The following KSR1 variants were observed in gnomAD, a reference collection of about 807,000 sequenced individuals.
KSR1 encodes the protein kinase suppressor of ras.
Under a neutral mutation model 92.9 loss-of-function variants are expected in KSR1, and 35 were observed. That is an observed-to-expected ratio of 0.38 (90% CI 0.29 to 0.50). KSR1 has a LOEUF of 0.50. Among genes scored for constraint, KSR1 ranks in the 20% least tolerant of loss-of-function variants. KSR1 has a pLI of 0.94. For synonymous variants in KSR1, 467 were observed against 472.6 expected (o/e 0.99, Z 0.15); for missense variants, 972 against 1,158.5 (o/e 0.84, Z 2.34).
intron 11 of KSR1, 62 bp from the exon 12 acceptor site, chr17:27,603,772 G>T: frequency 1.3e-6 from 2 of 1,554,088 alleles, no homozygotes; most frequent in Non-Finnish European, 1.8e-6. Flanking sequence ...TTTCAAGCAC[G>T]GTGTCTCTTT....
rs893040453 is a variant in KSR1 at position 27,624,227 on chromosome 17, A to G, written c.*835A>G. The G allele has an allele frequency of 6.6e-6, 1 of 152,264 alleles. No homozygotes were observed. The highest frequency in any genetic ancestry group is 1.5e-5 in the Non-Finnish European group (1 of 68,104). 9.4% of individuals were successfully genotyped at this position (152,264 alleles called of 1,614,324 possible). A position where few individuals can be genotyped will look rare whatever the true frequency, so the allele number is the denominator to read the frequency against. ...GCTTTTAGATACATCCCAGTCCCTG[A>G]CTGACATCTGACCATGAGGGCTGGA... On this transcript the variant is annotated 3_prime_UTR_variant, in exon 21 of 21. Coordinates refer to ENST00000644974, the MANE Select transcript of KSR1 (RefSeq NM_001394583.1).
chr17:27,488,219 C>G (rs1022490214), intron 1 of KSR1, among the ~76,000 whole-genome samples: 2 of 152,130 alleles, frequency 1.3e-5, no homozygotes, highest in Admixed American at 6.6e-5. Context: ...AACTGAACAC[C>G]CATGTACCCA....
At chr17:27,512,430 G>A (rs368657126) in intron 1 of KSR1, among the ~76,000 whole-genome samples, 12 of 152,324 alleles carry the variant, frequency 7.9e-5, no homozygotes, top group African/African-American at 2.9e-4. Flanking sequence ...CAATCAAGAT[G>A]TATTGAGAAT....
chr17:27,568,809 G>T (rs552716736), intron 2 of KSR1, among the ~76,000 whole-genome samples: 2 of 152,264 alleles, frequency 1.3e-5, no homozygotes, highest in East Asian at 3.9e-4. Flanking sequence ...CCTGTTGAGG[G>T]GCACGTCCTG....
At chr17:27,491,835 C>T (rs934009078) in intron 1 of KSR1, among the ~76,000 whole-genome samples, 2 of 152,128 alleles carry the variant, frequency 1.3e-5, no homozygotes, top group African/African-American at 2.4e-5. Context: ...TGAAGTTAGT[C>T]TGCTGGGAGG....
intron 1 of KSR1, among the ~76,000 whole-genome samples, chr17:27,465,706 TATG>T (rs2150909135): frequency 6.6e-6 from 1 of 152,314 alleles, no homozygotes; most frequent in South Asian, 2.1e-4. Context: ...TTTCCGCAAA[TATG>T]ATGTGGTAAG....
intron 3 of KSR1, among the ~76,000 whole-genome samples, chr17:27,580,141 A>G (rs1454953838): frequency 1.3e-5 from 2 of 152,148 alleles, no homozygotes; most frequent in Non-Finnish European, 2.9e-5. Flanking sequence ...GCAACTTGCA[A>G]CTTTGGGGCT....
intron 1 of KSR1, among the ~76,000 whole-genome samples, chr17:27,474,275 T>G (rs894023869): frequency 6.6e-6 from 1 of 152,246 alleles, no homozygotes; most frequent in African/African-American, 2.4e-5. Flanking sequence ...CTACTTGTTA[T>G]AGCAAACAGG....
rs548796024 is a variant in KSR1 at position 27,526,663 on chromosome 17, C to T, written c.232-23905C>T. On this transcript the variant is annotated intron_variant, in intron 1 of 20. Transcript: ENST00000644974. ...AAGCACCTTCCTGAGAGATTTTGCT[C>T]ATGTAGTTTTTATTGGCTGTTATTC... is the stretch of plus-strand genomic sequence containing the variant. The T allele has an allele frequency of 3.7e-5, 58 of 1,556,218 alleles. No individual in the cohort carries two copies. The African/African-American group carries it at 7.2e-4, about 19-fold the overall frequency.
intron 18 of KSR1, chr17:27,612,613 T>C (rs545545295): frequency 1.3e-5 from 2 of 152,350 alleles, no homozygotes; most frequent in East Asian, 1.9e-4. Context: ...AGCACAGTGA[T>C]ATATAAAGAA....
chr17:27,519,787 C>CT (rs1465658372), intron 1 of KSR1, among the ~76,000 whole-genome samples: 1 of 152,236 alleles, frequency 6.6e-6, no homozygotes, highest in East Asian at 1.9e-4. Context: ...GACCTAGAGT[C>CT]TAAGACCAAA....
chr17:27,492,570 A>C (rs533767286), intron 1 of KSR1, among the ~76,000 whole-genome samples: 10 of 152,180 alleles, frequency 6.6e-5, no homozygotes, highest in African/African-American at 2.4e-4. Flanking sequence ...AACTCAGGGG[A>C]TCAAAAGAGG....
intron 4 of KSR1, among the ~76,000 whole-genome samples, chr17:27,584,971 C>T (rs1426973177): frequency 6.6e-6 from 1 of 152,210 alleles, no homozygotes; most frequent in Admixed American, 6.5e-5. Context: ...GAGTCTTGCT[C>T]TGCTGCCCAG....
At chr17:27,536,025 C>T (rs139024265) in intron 1 of KSR1, among the ~76,000 whole-genome samples, 5 of 152,340 alleles carry the variant, frequency 3.3e-5, no homozygotes, top group South Asian at 2.1e-4. Context: ...CCCACCTCCA[C>T]GGGTGTGGGG....
intron 10 of KSR1, among the ~76,000 whole-genome samples, chr17:27,597,726 A>G (rs9910267): frequency 0.58 from 88,558 of 151,816 alleles, 26,007 homozygotes; most frequent in South Asian, 0.71. Flanking sequence ...TAATCCTCGC[A>G]CTGCCCTCCT....
intron 2 of KSR1, among the ~76,000 whole-genome samples, chr17:27,552,092 G>A (rs955367110): frequency 1.3e-5 from 2 of 152,166 alleles, no homozygotes; most frequent in Admixed American, 1.3e-4. Context: ...TTCTGGTGTT[G>A]AGTGTTGTCA....
At chr17:27,607,842 TG>T in intron 14 of KSR1, 71 bp from the exon 15 acceptor site, 1 of 1,110,516 alleles carries the variant, frequency 9.0e-7, no homozygotes, top group Non-Finnish European at 1.3e-6. Context: ...GTTCTCCCCA[TG>T]GGCTCCACCA....
chr17:27,593,440 C>T (rs972109374), intron 9 of KSR1, among the ~76,000 whole-genome samples: 1 of 145,126 alleles, frequency 6.9e-6, no homozygotes, highest in Admixed American at 6.7e-5. Context: ...TTAGCGTGTG[C>T]CCCCCCGATG....
chr17:27,543,251 G>A (rs1396655347), intron 1 of KSR1, among the ~76,000 whole-genome samples: 1 of 152,252 alleles, frequency 6.6e-6, no homozygotes, highest in Non-Finnish European at 1.5e-5. Flanking sequence ...GGTTGGTTCT[G>A]TGGCCACAGA....
Sources: allele counts gnomAD v4.1 joint callset (sites outside exome capture counted in the v4.1 genomes callset), GRCh38; gene constraint gnomAD v4.1.1; transcripts MANE v1.5; gene names NCBI Gene and HGNC (gene_info 2026-07-23, HGNC 2026-07-21).